Variants in RDX observed in about 807,000 individuals in gnomAD.
RDX encodes the protein deafness, autosomal recessive 24.
In RDX, 32 loss-of-function variants were observed where a neutral mutation model predicts 83.7. That is an observed-to-expected ratio of 0.38 (90% CI 0.29 to 0.51). The LOEUF is 0.51. Among genes scored for constraint, RDX ranks in the 20% least tolerant of loss-of-function variants. The pLI is 0.87. For synonymous variants in RDX, 229 were observed against 222.7 expected (o/e 1.03, Z -0.25); for missense variants, 600 against 689.9 (o/e 0.87, Z 1.46).
At chr11:110,294,867 A>G (rs1357877120) in intron 1 of RDX, among the ~76,000 whole-genome samples, 1 of 152,220 alleles carries the variant, frequency 6.6e-6, no homozygotes, top group Non-Finnish European at 1.5e-5. Context: ...TGTGATTCCT[A>G]AGGTCAAGAA....
At position 110,275,351 on chromosome 11, in the gene RDX, A is replaced by G. The variant is rs540409559; in HGVS notation, c.13-2732T>C. ...ATCAATTTATCTGGCTGGTTGCAGA[A>G]TAAGTTATACCTTGATTTCAGCCTT... is the stretch of plus-strand genomic sequence containing the variant. On this transcript the variant is annotated intron_variant, in intron 2 of 13. Coordinates refer to ENST00000645495, the MANE Select transcript of RDX (RefSeq NM_002906.4). 2.1e-4 allele frequency among the ~76,000 whole-genome samples: 32 copies of G among 152,362 alleles called. 1 individual carries two copies. In the South Asian group the frequency reaches 5.0e-3, roughly 24 times the overall value.
intron 9 of RDX, among the ~76,000 whole-genome samples, chr11:110,249,885 C>CA (rs754010466): frequency 1.3e-4 from 19 of 151,914 alleles, no homozygotes; most frequent in Non-Finnish European, 2.2e-4. Flanking sequence ...AAATAGAAAA[C>CA]AAAAAAACTA....
At chr11:110,284,670 G>A (rs990112760) in intron 1 of RDX, among the ~76,000 whole-genome samples, 1 of 151,978 alleles carries the variant, frequency 6.6e-6, no homozygotes, top group African/African-American at 2.4e-5. Context: ...ACAGGCGCCT[G>A]CCACCACACC....
At chr11:110,261,146 C>G (rs12417353) in intron 5 of RDX, among the ~76,000 whole-genome samples, 58,875 of 152,026 alleles carry the variant, frequency 0.39, 11,671 homozygotes, top group East Asian at 0.61. Flanking sequence ...AGGTCTGCAC[C>G]CACATATGCA....
intron 5 of RDX, among the ~76,000 whole-genome samples, chr11:110,259,499 C>T (rs1185867503): frequency 6.6e-6 from 1 of 152,172 alleles, no homozygotes; most frequent in African/African-American, 2.4e-5. Context: ...GATAAAATCT[C>T]CCCCTGGATA....
intron 15 of RDX, among the ~76,000 whole-genome samples, chr11:110,192,930 A>T (rs998900521): frequency 8.5e-5 from 13 of 152,322 alleles, no homozygotes; most frequent in South Asian, 4.1e-4. Context: ...AATATAAATT[A>T]GTTCAGCCAC....
chr11:110,237,751 T>C (rs1458319367), intron 10 of RDX, 99 bp from the exon 11 acceptor site: 2 of 1,333,372 alleles, frequency 1.5e-6, no homozygotes, highest in South Asian at 2.4e-5. Context: ...TCTGTTCAAT[T>C]TCTAAAAGTT....
At chr11:110,295,124 G>A (rs1591195705) in intron 1 of RDX, among the ~76,000 whole-genome samples, 1 of 152,202 alleles carries the variant, frequency 6.6e-6, no homozygotes, top group Non-Finnish European at 1.5e-5. Flanking sequence ...GGAAGATAAA[G>A]CACACTGGGG....
chr11:110,226,979 GT>G (rs1864455163), downstream of RDX, among the ~76,000 whole-genome samples: 2 of 152,010 alleles, frequency 1.3e-5, no homozygotes, highest in South Asian at 4.1e-4. Flanking sequence ...TCTCAAAACT[GT>G]TTTTATGAAA....
At chr11:110,283,341 A>G (rs1263755183) in intron 1 of RDX, among the ~76,000 whole-genome samples, 1 of 152,130 alleles carries the variant, frequency 6.6e-6, no homozygotes, top group Non-Finnish European at 1.5e-5. Context: ...TTTAGTAGAG[A>G]CAGGGTTTCA....
rs560677444 is a variant in RDX at position 110,178,138 on chromosome 11, A to G, written c.*32-2904T>C. Among the ~76,000 whole-genome samples, 27 of 152,266 alleles carry G rather than the reference A, an allele frequency of 1.8e-4. No individual in the cohort carries two copies. The East Asian group carries it at 5.2e-3, about 29-fold the overall frequency. On this transcript the variant is annotated intron_variant, in intron 15 of 15. Coordinates refer to the RDX transcript ENST00000528498. ...GCTGTGTACTGCAGGCTCCTCTGCC[A>G]GGGATAACCTCCATCTCTGCTTCAC... is the stretch of plus-strand genomic sequence containing the variant.
intron 5 of RDX, among the ~76,000 whole-genome samples, chr11:110,261,239 A>G (rs538391677): frequency 2.0e-5 from 3 of 152,284 alleles, no homozygotes; most frequent in African/African-American, 7.2e-5. Context: ...CTTCCCCCTC[A>G]AATGTATTTT....
Position 110,190,567 on chromosome 11 carries a change from A to C in RDX, c.*31+9014T>G, listed in dbSNP as rs75673337. On this transcript the variant is annotated intron_variant, in intron 15 of 15. Coordinates refer to the RDX transcript ENST00000528498. The stretch of plus-strand genomic sequence containing the variant: ...AAAAACAAGAACAAACTAACCCCCA[A>C]ACTAGCAGGAGAAAAGAAATAACTA... Among the ~76,000 whole-genome samples the C allele has an allele frequency of 9.3e-3, 1,412 of 152,330 alleles. 24 individuals are homozygous for C. The highest frequency in any genetic ancestry group is 0.031 in the African/African-American group (1,274 of 41,568).
chr11:110,292,497 T>C (rs764752570), intron 1 of RDX, among the ~76,000 whole-genome samples: 39 of 152,102 alleles, frequency 2.6e-4, no homozygotes, highest in Admixed American at 2.0e-3. Context: ...AAAAATGACA[T>C]TAAATTTCCT....
chr11:110,210,638 C>G (rs1260911760), intron 14 of RDX, among the ~76,000 whole-genome samples: 1 of 150,934 alleles, frequency 6.6e-6, no homozygotes, highest in Non-Finnish European at 1.5e-5. Context: ...AACAGCGGAT[C>G]TCTCGGCAGA....
chr11:110,259,179 C>T (rs1330165079), intron 5 of RDX, among the ~76,000 whole-genome samples: 1 of 152,028 alleles, frequency 6.6e-6, no homozygotes, highest in African/African-American at 2.4e-5. Flanking sequence ...CTCAAGTGAT[C>T]CACCTGCCTC....
At position 110,254,117 on chromosome 11, in the gene RDX, TA is replaced by T; in HGVS notation, c.796-9del. ...TGCATAAAACACAAAATCCTAAACA[TA>T]AAGTATTCTGAATTTAAAATCTTCC... is the stretch of plus-strand genomic sequence containing the variant. On this transcript the variant is annotated splice_polypyrimidine_tract_variant and intron_variant, in intron 8 of 13. Coordinates refer to ENST00000645495, the MANE Select transcript of RDX (RefSeq NM_002906.4). 1.9e-6 allele frequency: 3 copies of T among 1,611,540 alleles called. No individual in the cohort carries two copies. Among genetic ancestry groups the T allele is most frequent in the Non-Finnish European group, 2.5e-6 (3 of 1,178,414 alleles).
chr11:110,207,113 A>G (rs1273264410), intron 14 of RDX, among the ~76,000 whole-genome samples: 3 of 152,168 alleles, frequency 2.0e-5, no homozygotes, highest in East Asian at 3.8e-4. Flanking sequence ...AGCCAGGATT[A>G]CAGGTGTGCA....
intron 10 of RDX, among the ~76,000 whole-genome samples, chr11:110,246,749 C>CG (rs1859123023): frequency 1.4e-5 from 2 of 139,878 alleles, no homozygotes; most frequent in African/African-American, 5.3e-5. Context: ...GACTGTGTCT[C>CG]AAAAAAAAAA....
Sources: gnomAD v4.1 joint callset for allele counts (sites outside exome capture counted in the v4.1 genomes callset) on GRCh38, gnomAD v4.1.1 for gene constraint, MANE v1.5 for transcripts, NCBI Gene and HGNC (gene_info 2026-07-23, HGNC 2026-07-21) for gene names.